The following ANK2 variants were observed in gnomAD, a reference collection of about 807,000 sequenced individuals.
ANK2 encodes ankyrin 2, also known as ankyrin-2.
In ANK2, 83 loss-of-function variants were observed where a neutral mutation model predicts 360.5. The ratio of observed to expected loss-of-function variants is 0.23; its 90% CI spans 0.19 to 0.28. ANK2 has a LOEUF of 0.28. ANK2 is among the 10% of genes least tolerant of loss of function. ANK2 has a pLI of 1.00. For missense variants in ANK2, 4,201 were observed against 4,795.7 expected (o/e 0.88, Z 3.66); for synonymous variants, 1,740 against 1,759.5 (o/e 0.99, Z 0.28).
At chr4:113,372,595 C>T in intron 43 of ANK2, 1 of 1,535,854 alleles carries the variant, frequency 6.5e-7, no homozygotes, top group Non-Finnish European at 8.7e-7. Flanking sequence ...TGGTAACTAC[C>T]AGGGTTGTCC....
the ANK2 span, among the ~76,000 whole-genome samples, chr4:112,709,079 G>A: frequency 8.5e-5 from 13 of 152,182 alleles, no homozygotes; most frequent in Non-Finnish European, 1.6e-4. Flanking sequence ...TCTGCTAAGG[G>A]AGAGATAACT....
At chr4:112,772,400 C>T in the ANK2 span, among the ~76,000 whole-genome samples, 7 of 152,288 alleles carry the variant, frequency 4.6e-5, no homozygotes, top group East Asian at 1.9e-4. Flanking sequence ...TCTCACAACA[C>T]GTGGGAACTA....
At chr4:113,035,248 G>T (rs927033173) in intron 2 of ANK2, among the ~76,000 whole-genome samples, 2 of 151,580 alleles carry the variant, frequency 1.3e-5, no homozygotes, top group African/African-American at 2.4e-5. Flanking sequence ...AAATACAGAG[G>T]CATATTAAGC....
rs1386564031 is a variant in ANK2, at chr4:113,121,574, C to T, written c.85-52842C>T. On this transcript the variant is annotated intron_variant, in intron 1 of 45. Transcript: ENST00000357077. Reference sequence around the variant, plus strand: ...ATCAACTATTAGAAGTCAACATTTGCTCTTCAAATTGAGGTCAATTACTGG... The same window carrying T: ...ATCAACTATTAGAAGTCAACATTTGTTCTTCAAATTGAGGTCAATTACTGG... Among the ~76,000 whole-genome samples the T allele has an allele frequency of 3.3e-5, 5 of 152,226 alleles. No homozygotes were observed. In the East Asian group the frequency reaches 9.6e-4, roughly 29 times the overall value.
At chr4:113,063,835 A>G (rs1580485891) in intron 1 of ANK2, among the ~76,000 whole-genome samples, 1 of 152,164 alleles carries the variant, frequency 6.6e-6, no homozygotes, top group African/African-American at 2.4e-5. Context: ...ATTCTTGCTA[A>G]TGTCCAACTA....
chr4:113,312,141 G>T (rs1440790889), intron 24 of ANK2, among the ~76,000 whole-genome samples: 2 of 148,932 alleles, frequency 1.3e-5, no homozygotes, highest in South Asian at 2.1e-4. Context: ...CATGAATATG[G>T]ATGTCATAGC....
chr4:112,902,386 A>G (rs532084437), intron 1 of ANK2, among the ~76,000 whole-genome samples: 46 of 152,318 alleles, frequency 3.0e-4, no homozygotes, highest in African/African-American at 1.1e-3. Flanking sequence ...GTTGTGTGAG[A>G]TGTTGAATCA....
the ANK2 span, among the ~76,000 whole-genome samples, chr4:112,750,759 A>T: frequency 6.6e-6 from 1 of 150,422 alleles, no homozygotes; most frequent in Non-Finnish European, 1.5e-5. Flanking sequence ...ACACAGTCTT[A>T]CTCTGTCATC....
rs544699584 is a variant in ANK2, at chr4:113,277,183, A to T, written c.1684-654A>T. 5.3e-5 allele frequency among the ~76,000 whole-genome samples: 8 copies of T among 152,358 alleles called. No homozygotes were observed. In the South Asian group the frequency reaches 1.2e-3, roughly 24 times the overall value. ...CAGTGTGTTTAAAAGTCTGGTGTTA[A>T]TCAGCCCAACATCATGCCAGAAGTA... is the stretch of plus-strand genomic sequence containing the variant. On this transcript the variant is annotated intron_variant, in intron 15 of 45. Coordinates refer to ENST00000357077, the MANE Select transcript of ANK2 (RefSeq NM_001148.6).
chr4:112,894,516 A>G (rs2081165334), intron 1 of ANK2, among the ~76,000 whole-genome samples: 2 of 152,354 alleles, frequency 1.3e-5, no homozygotes, highest in Admixed American at 6.5e-5. Context: ...AGAGTTGACG[A>G]TAATGGAAGG....
chr4:112,874,069 C>CTTGGGGTTCT (rs1340837454), intron 1 of ANK2, among the ~76,000 whole-genome samples: 1 of 144,966 alleles, frequency 6.9e-6, no homozygotes, highest in Non-Finnish European at 1.5e-5. Context: ...CACAAAAGCT[C>CTTGGGGTTCT]TTGGGGTTCT....
chr4:113,311,941 C>T (rs1437250206), intron 24 of ANK2, among the ~76,000 whole-genome samples: 2 of 152,082 alleles, frequency 1.3e-5, no homozygotes, highest in African/African-American at 2.4e-5. Flanking sequence ...AAGAAACAAT[C>T]GGAGCAAAAT....
At chr4:113,343,518 G>T (rs1033204755) in intron 34 of ANK2, among the ~76,000 whole-genome samples, 22 of 152,122 alleles carry the variant, frequency 1.4e-4, no homozygotes, top group African/African-American at 5.3e-4. Flanking sequence ...GTTCTAAGTG[G>T]CAACTTTTTG....
At chr4:113,225,457 G>T (rs1403443145) in intron 4 of ANK2, among the ~76,000 whole-genome samples, 1 of 152,012 alleles carries the variant, frequency 6.6e-6, no homozygotes, top group Non-Finnish European at 1.5e-5. Flanking sequence ...TAAGATAAAA[G>T]TAATTTTATA....
intron 20 of ANK2, among the ~76,000 whole-genome samples, chr4:113,290,409 T>C (rs909357627): frequency 6.6e-6 from 1 of 152,168 alleles, no homozygotes; most frequent in African/African-American, 2.4e-5. Context: ...TACATTAACT[T>C]TACTCTGTAA....
chr4:113,247,040 A>AT (rs1563147827), intron 9 of ANK2, among the ~76,000 whole-genome samples: 1 of 151,188 alleles, frequency 6.6e-6, no homozygotes, highest in East Asian at 1.9e-4. Flanking sequence ...GAGAGGGGGG[A>AT]AGATATGAAA....
chr4:112,796,359 G>T, the ANK2 span, among the ~76,000 whole-genome samples: 1 of 151,948 alleles, frequency 6.6e-6, no homozygotes, highest in African/African-American at 2.4e-5. Context: ...GGAGGTGGAG[G>T]TTACGGTGAA....
intron 2 of ANK2, among the ~76,000 whole-genome samples, chr4:112,997,481 C>T (rs1404152439): frequency 6.6e-6 from 1 of 152,102 alleles, no homozygotes; most frequent in African/African-American, 2.4e-5. Flanking sequence ...ACCCTCACTA[C>T]ACCTTGAAAC....
chr4:113,315,048 T>C (rs2082040359), intron 24 of ANK2, among the ~76,000 whole-genome samples: 1 of 152,200 alleles, frequency 6.6e-6, no homozygotes, highest in South Asian at 2.1e-4. Flanking sequence ...TGTGATTATA[T>C]ATCACTTTGT....
Sources: allele counts gnomAD v4.1 joint callset (sites outside exome capture counted in the v4.1 genomes callset), GRCh38; gene constraint gnomAD v4.1.1; transcripts MANE v1.5; gene names NCBI Gene and HGNC (gene_info 2026-07-23, HGNC 2026-07-21).